UBE2QL1: variants seen among roughly 807,000 people sequenced by gnomAD.
UBE2QL1 encodes the protein ubiquitin-conjugating enzyme E2Q-like protein 1.
A neutral mutation model predicts 12.6 loss-of-function variants in UBE2QL1; 5 were observed. That is an observed-to-expected ratio of 0.40 (90% confidence interval 0.21 to 0.83). UBE2QL1 has a LOEUF of 0.83. UBE2QL1 is among the 40% of genes least tolerant of loss of function. The pLI, the probability that UBE2QL1 is intolerant of heterozygous loss-of-function variation, is 0.37. For synonymous variants in UBE2QL1, 96 were observed against 94.5 expected (o/e 1.02, Z -0.10); for missense variants, 99 against 222.6 (o/e 0.44, Z 3.53).
intron 1 of UBE2QL1, among the ~76,000 whole-genome samples, chr5:6,462,438 A>G (rs960128199): frequency 1.1e-4 from 17 of 152,184 alleles, no homozygotes; most frequent in African/African-American, 4.1e-4. Context: ...GAGTGAGGCC[A>G]GTTCCTGTGT....
At chr5:6,468,691 C>T (rs143236116) in intron 1 of UBE2QL1, among the ~76,000 whole-genome samples, 6 of 152,270 alleles carry the variant, frequency 3.9e-5, no homozygotes, top group African/African-American at 1.2e-4. Flanking sequence ...TTCTGAAAGC[C>T]TTCAATTCTA....
intron 1 of UBE2QL1, among the ~76,000 whole-genome samples, chr5:6,473,143 C>T (rs1441828082): frequency 3.3e-5 from 5 of 152,202 alleles, no homozygotes; most frequent in Admixed American, 6.6e-5. Flanking sequence ...AATGCGGCCT[C>T]CTAGTCCAAC....
rs75417228 is a variant in UBE2QL1 at position 6,476,300 on chromosome 5, C to A, written c.355-14918C>A. Among the ~76,000 whole-genome samples the A allele has an allele frequency of 3.5e-3, 528 of 152,332 alleles. 1 individual carries two copies. The highest frequency in any genetic ancestry group is 0.012 in the African/African-American group (516 of 41,580). ...AAGGCATAAAGCAGTCAACGCGGTG[C>A]CCTCAGGGCAAATGCACCAAGCATG... On this transcript the variant is annotated intron_variant, in intron 1 of 1. Transcript: ENST00000399816. The surrounding 1 kb of genome is among the most constrained non-coding windows in gnomAD (Gnocchi z 4.9).
At chr5:6,455,937 G>A (rs938813231) in intron 1 of UBE2QL1, among the ~76,000 whole-genome samples, 2 of 152,174 alleles carry the variant, frequency 1.3e-5, no homozygotes, top group Non-Finnish European at 2.9e-5. Flanking sequence ...GACTGCTTAT[G>A]TAGACTACGA....
rs564885862 is a variant in UBE2QL1 at position 6,476,409 on chromosome 5, A to C, written c.355-14809A>C. On this transcript the variant is annotated intron_variant, in intron 1 of 1. Transcript: ENST00000399816. The surrounding 1 kb of genome is among the most constrained non-coding windows in gnomAD (Gnocchi z 4.9). ...ATTTTCCCACGGGTGAAAACATCCCATTTTAAGAATGTGTTTGGAGTTTGC... is the reference window on the plus strand; with the variant it reads ...ATTTTCCCACGGGTGAAAACATCCCCTTTTAAGAATGTGTTTGGAGTTTGC... Among the ~76,000 whole-genome samples, 92 of 152,316 alleles carry C rather than the reference A, an allele frequency of 6.0e-4. No individual in the cohort carries two copies. The highest frequency in any genetic ancestry group is 2.0e-3 in the Admixed American group (30 of 15,294).
intron 1 of UBE2QL1, among the ~76,000 whole-genome samples, chr5:6,485,573 A>G (rs1560936821): frequency 6.6e-6 from 1 of 152,212 alleles, no homozygotes; most frequent in African/African-American, 2.4e-5. Flanking sequence ...TTTACAACCC[A>G]TGTCAGGGAG....
At chr5:6,455,758 C>G (rs1255679367) in intron 1 of UBE2QL1, among the ~76,000 whole-genome samples, 2 of 152,056 alleles carry the variant, frequency 1.3e-5, no homozygotes, top group Non-Finnish European at 2.9e-5. Flanking sequence ...CAGACACAGC[C>G]TCACCCACCA....
At chr5:6,454,083 A>C (rs936283382) in intron 1 of UBE2QL1, among the ~76,000 whole-genome samples, 4 of 151,938 alleles carry the variant, frequency 2.6e-5, no homozygotes, top group Non-Finnish European at 4.4e-5. Context: ...GGGTCTCACT[A>C]TGTTGCCCAG....
intron 1 of UBE2QL1, among the ~76,000 whole-genome samples, chr5:6,484,933 C>A (rs1412876719): frequency 6.6e-6 from 1 of 152,054 alleles, no homozygotes; most frequent in Admixed American, 6.5e-5. Context: ...AGCCTTCCCT[C>A]AGGTTACTGT....
chr5:6,473,124 G>A (rs1739951385), intron 1 of UBE2QL1, among the ~76,000 whole-genome samples: 1 of 152,118 alleles, frequency 6.6e-6, no homozygotes, highest in Non-Finnish European at 1.5e-5. Context: ...ATATTACACT[G>A]CCTTTAGGAA....
rs150857414 is a variant in UBE2QL1, at chr5:6,490,685, T to C, written c.355-533T>C. On this transcript the variant is annotated intron_variant, in intron 1 of 1. Transcript: ENST00000399816. ...GCTCTGGAACTTGAATTTTAAAAAA[T>C]AGAGTTTTAAATATTAGTAGAAATA... Among the ~76,000 whole-genome samples, 576 of 152,346 alleles carry C rather than the reference T, an allele frequency of 3.8e-3. 1 individual carries two copies. Among genetic ancestry groups the C allele is most frequent in the African/African-American group, 0.013 (557 of 41,580 alleles).
rs1734321527 is a variant in UBE2QL1, at chr5:6,479,798, C to T, written c.355-11420C>T. Among the ~76,000 whole-genome samples, 1 of 152,200 alleles carries T rather than the reference C, an allele frequency of 6.6e-6. No homozygotes were observed. Among genetic ancestry groups the T allele is most frequent in the African/African-American group, 2.4e-5 (1 of 41,432 alleles). ...CAAACACAGACTGCCCCCATCATCT[C>T]GGGACAGAGACTCACCAGGGAGGTC... is the stretch of plus-strand genomic sequence containing the variant. On this transcript the variant is annotated intron_variant, in intron 1 of 1. Transcript: ENST00000399816. The surrounding 1 kb of genome is among the most constrained non-coding windows in gnomAD (Gnocchi z 4.2).
At chr5:6,451,782 C>A (rs538301723) in intron 1 of UBE2QL1, among the ~76,000 whole-genome samples, 2 of 152,274 alleles carry the variant, frequency 1.3e-5, no homozygotes, top group African/African-American at 4.8e-5. Context: ...TTTCAGGTAA[C>A]CTGAGGTTGA....
intron 1 of UBE2QL1, among the ~76,000 whole-genome samples, chr5:6,459,157 T>C (rs1739598136): frequency 6.6e-6 from 1 of 152,150 alleles, no homozygotes; most frequent in African/African-American, 2.4e-5. Context: ...GCTGACTTCC[T>C]TTGATCTCTT....
Position 6,476,326 on chromosome 5 carries a change from G to A in UBE2QL1, c.355-14892G>A, listed in dbSNP as rs1044050240. Among the ~76,000 whole-genome samples, 1 of 152,250 alleles carries A rather than the reference G, an allele frequency of 6.6e-6. No individual in the cohort carries two copies. Among genetic ancestry groups the A allele is most frequent in the African/African-American group, 2.4e-5 (1 of 41,478 alleles). The stretch of plus-strand genomic sequence containing the variant: ...CCTCAGGGCAAATGCACCAAGCATG[G>A]TTCCAGCTTATTTTGAGGTGTTTGG... On this transcript the variant is annotated intron_variant, in intron 1 of 1. Transcript: ENST00000399816. The surrounding 1 kb of genome is among the most constrained non-coding windows in gnomAD (Gnocchi z 4.9).
chr5:6,454,859 G>A (rs1010787247), intron 1 of UBE2QL1, among the ~76,000 whole-genome samples: 14 of 152,126 alleles, frequency 9.2e-5, no homozygotes, highest in African/African-American at 2.2e-4. Flanking sequence ...TGCCACCACC[G>A]ATGACTGTGC....
In UBE2QL1 at chr5:6,492,559, T is replaced by C. The variant is rs1579305824; in HGVS notation, c.*1210T>C. 1 of 152,252 alleles carries C rather than the reference T, an allele frequency of 6.6e-6. No homozygotes were observed. The highest frequency in any genetic ancestry group is 1.5e-5 in the Non-Finnish European group (1 of 68,050). 9.4% of individuals were successfully genotyped at this position (152,252 alleles called of 1,614,324 possible). ...TGTTCATTCCAAGTGGCAAGTCTTA[T>C]TGGACACATTTTAAATAAAATCATG... On this transcript the variant is annotated 3_prime_UTR_variant, in exon 2 of 2. Transcript: ENST00000399816.
At chr5:6,462,375 G>A (rs114188246) in intron 1 of UBE2QL1, among the ~76,000 whole-genome samples, 4 of 152,274 alleles carry the variant, frequency 2.6e-5, no homozygotes, top group South Asian at 4.1e-4. Context: ...TCCAGTGGAC[G>A]GGGCATGCAA....
intron 1 of UBE2QL1, among the ~76,000 whole-genome samples, chr5:6,462,795 A>C (rs1254164347): frequency 1.3e-5 from 2 of 152,256 alleles, no homozygotes; most frequent in Non-Finnish European, 2.9e-5. Context: ...TAAGTTGCCC[A>C]GGGAGATTGA....
Sources: allele counts gnomAD v4.1 joint callset (sites outside exome capture counted in the v4.1 genomes callset), GRCh38; gene constraint gnomAD v4.1.1; non-coding constraint Gnocchi (gnomAD v3.1); transcripts MANE v1.5; gene names NCBI Gene and HGNC (gene_info 2026-07-23, HGNC 2026-07-21).